Variants in CDH13 observed in about 807,000 individuals in gnomAD.
CDH13 encodes the protein cadherin-13.
A neutral mutation model predicts 63.8 loss-of-function variants in CDH13; 24 were observed. The ratio of observed to expected loss-of-function variants is 0.38; its 90% CI spans 0.27 to 0.53. The LOEUF (loss-of-function observed/expected upper bound fraction) is 0.53. CDH13 is among the 20% of genes least tolerant of loss of function. The probability of loss-of-function intolerance (pLI) is 0.85; values close to 1 mark genes in which losing one functional copy is unlikely to be tolerated. For missense variants in CDH13, 1,049 were observed against 903.1 expected (o/e 1.16, Z -2.07); for synonymous variants, 503 against 355.3 (o/e 1.42, Z -4.67).
chr16:83,031,646 T>C (rs1364917499), intron 2 of CDH13, among the ~76,000 whole-genome samples: 1 of 152,030 alleles, frequency 6.6e-6, no homozygotes, highest in Non-Finnish European at 1.5e-5. Flanking sequence ...CTCTCCTCAA[T>C]GGTCCTGAGC....
At chr16:83,679,918 T>C (rs1158426001) in intron 10 of CDH13, among the ~76,000 whole-genome samples, 2 of 152,104 alleles carry the variant, frequency 1.3e-5, no homozygotes, top group Non-Finnish European at 2.9e-5. Context: ...AAAGAGCTAA[T>C]GCAATGGGTA....
chr16:82,863,665 C>G (rs1349477770), intron 2 of CDH13, among the ~76,000 whole-genome samples: 1 of 152,104 alleles, frequency 6.6e-6, no homozygotes, highest in Non-Finnish European at 1.5e-5. Context: ...TTATTATTGT[C>G]CTTATAATTT....
At chr16:83,087,725 C>G (rs1158975140) in intron 3 of CDH13, among the ~76,000 whole-genome samples, 1 of 147,182 alleles carries the variant, frequency 6.8e-6, no homozygotes, top group South Asian at 2.2e-4. Context: ...TAGCAAGTTC[C>G]TGTTATTTAT....
At chr16:82,667,922 T>G (rs571545834) in intron 1 of CDH13, among the ~76,000 whole-genome samples, 2 of 152,280 alleles carry the variant, frequency 1.3e-5, no homozygotes, top group East Asian at 3.9e-4. Flanking sequence ...TAATACAGTT[T>G]TTTAGAAACA....
intron 1 of CDH13, among the ~76,000 whole-genome samples, chr16:82,687,882 G>T (rs1915241890): frequency 6.6e-6 from 1 of 152,132 alleles, no homozygotes; most frequent in South Asian, 2.1e-4. Context: ...AACCGTCAGG[G>T]ATGCTAAGTA....
At chr16:82,945,456 C>T (rs974617096) in intron 2 of CDH13, among the ~76,000 whole-genome samples, 1 of 152,194 alleles carries the variant, frequency 6.6e-6, no homozygotes, top group African/African-American at 2.4e-5. Context: ...CGAGAGCTTT[C>T]CCTTACAGGG....
chr16:82,918,119 G>T (rs1020628154), intron 2 of CDH13, among the ~76,000 whole-genome samples: 1 of 152,166 alleles, frequency 6.6e-6, no homozygotes. Flanking sequence ...AAAGGTGGCA[G>T]AGCAAATGCA....
chr16:82,954,568 C>G (rs1905776338), intron 2 of CDH13: 1 of 152,092 alleles, frequency 6.6e-6, no homozygotes, highest in Admixed American at 6.6e-5. Context: ...CTACCAATGT[C>G]CAATAATGTA....
chr16:82,971,386 C>A (rs987772184), intron 2 of CDH13, among the ~76,000 whole-genome samples: 18 of 152,340 alleles, frequency 1.2e-4, no homozygotes, highest in African/African-American at 4.3e-4. Context: ...ACACTTGAAT[C>A]CTTGTTGCAA....
At position 83,666,192 on chromosome 16, in the gene CDH13, C is replaced by T. The variant is rs1913933882; in HGVS notation, c.1102-4598C>T. 2.6e-5 allele frequency among the ~76,000 whole-genome samples: 4 copies of T among 152,278 alleles called. No individual in the cohort carries two copies. In the South Asian group the frequency reaches 8.3e-4, roughly 32 times the overall value. On this transcript the variant is annotated intron_variant, in intron 8 of 13. Transcript: ENST00000567109. ...TAATGTCTTTCTATTGTTTTTAAAT[C>T]ACAAAGTGAGCATTGCTATAGAAAT...
chr16:83,558,910 C>T (rs949055390), intron 7 of CDH13, among the ~76,000 whole-genome samples: 1 of 152,084 alleles, frequency 6.6e-6, no homozygotes, highest in Non-Finnish European at 1.5e-5. Context: ...CACATCGGGT[C>T]CTCTGTATCT....
intron 2 of CDH13, among the ~76,000 whole-genome samples, chr16:82,917,017 C>CT (rs1178021458): frequency 2.6e-5 from 4 of 152,198 alleles, no homozygotes; most frequent in Non-Finnish European, 5.9e-5. Flanking sequence ...TAAAAGTGAT[C>CT]GTTGACAAAC....
chr16:82,701,149 T>A (rs2030976663), intron 1 of CDH13, among the ~76,000 whole-genome samples: 1 of 152,116 alleles, frequency 6.6e-6, no homozygotes, highest in African/African-American at 2.4e-5. Flanking sequence ...AGTAATTTTT[T>A]ATTTCTTTCT....
intron 11 of CDH13, among the ~76,000 whole-genome samples, chr16:83,773,133 G>C (rs1027919563): frequency 6.6e-6 from 1 of 152,120 alleles, no homozygotes; most frequent in African/African-American, 2.4e-5. Context: ...TCCTTTCCAT[G>C]ATTACATTTC....
At chr16:82,929,972 C>A (rs75137204) in intron 2 of CDH13, among the ~76,000 whole-genome samples, 8,962 of 151,602 alleles carry the variant, frequency 0.059, 372 homozygotes, top group Non-Finnish European at 0.087. Flanking sequence ...AAGCCCCATG[C>A]CCTCTCAGTC....
intron 5 of CDH13, among the ~76,000 whole-genome samples, chr16:83,339,117 T>C (rs2090666397): frequency 6.6e-6 from 1 of 151,812 alleles, no homozygotes; most frequent in African/African-American, 2.4e-5. Flanking sequence ...TTGAGGGGGA[T>C]GGAGAGAAAA....
At chr16:82,678,344 A>T (rs1039732767) in intron 1 of CDH13, among the ~76,000 whole-genome samples, 1 of 147,450 alleles carries the variant, frequency 6.8e-6, no homozygotes, top group Non-Finnish European at 1.5e-5. Context: ...TAGCTCTGAA[A>T]GCTCAATTTT....
At chr16:83,781,418 T>C (rs577782952) in intron 12 of CDH13, among the ~76,000 whole-genome samples, 1 of 152,352 alleles carries the variant, frequency 6.6e-6, no homozygotes, top group South Asian at 2.1e-4. Flanking sequence ...ATGTCAGTGG[T>C]AGAACTTTTG....
intron 1 of CDH13, among the ~76,000 whole-genome samples, chr16:82,714,635 AC>A (rs139697550): frequency 0.069 from 10,309 of 148,998 alleles, 385 homozygotes; most frequent in South Asian, 0.082. Flanking sequence ...AATGGCTTAA[AC>A]TGGGCAGGTG....
Sources: gnomAD v4.1 joint callset for allele counts (sites outside exome capture counted in the v4.1 genomes callset) on GRCh38, gnomAD v4.1.1 for gene constraint, MANE v1.5 for transcripts, NCBI Gene and HGNC (gene_info 2026-07-23, HGNC 2026-07-21) for gene names.